Variants in MYO3B observed in about 807,000 individuals in gnomAD.
MYO3B encodes the protein myosin IIIB.
A neutral mutation model predicts 174.6 loss-of-function variants in MYO3B; 156 were observed. That is an observed-to-expected ratio of 0.89 (90% CI 0.78 to 1.02). The LOEUF (loss-of-function observed/expected upper bound fraction) is 1.02, where lower values mean the gene tolerates loss of function less well. MYO3B is among the 50% of genes least tolerant of loss of function. MYO3B has a pLI of 0.00. For synonymous variants in MYO3B, 563 were observed against 569.1 expected, an observed-to-expected ratio of 0.99 and a Z score of 0.15; for missense variants, 1,632 against 1,639.4, an observed-to-expected ratio of 1.00 and a Z score of 0.08.
chr2:170,438,382 A>G (rs911691739), intron 22 of MYO3B, among the ~76,000 whole-genome samples: 1 of 152,162 alleles, frequency 6.6e-6, no homozygotes, highest in Non-Finnish European at 1.5e-5. Flanking sequence ...TAATGGTGCA[A>G]TGAACACAGG....
chr2:170,412,334 G>A (rs1220861296), intron 22 of MYO3B: 1 of 152,184 alleles, frequency 6.6e-6, no homozygotes, highest in African/African-American at 2.4e-5. Context: ...TGTTAAAGAA[G>A]TTATGAACTT....
At chr2:170,472,539 T>A (rs1685034595) in intron 25 of MYO3B, among the ~76,000 whole-genome samples, 1 of 152,172 alleles carries the variant, frequency 6.6e-6, no homozygotes, top group South Asian at 2.1e-4. Flanking sequence ...CCTCCTTGAC[T>A]TTCCCAGGCT....
At chr2:170,501,623 C>T (rs1394892668) in intron 27 of MYO3B, among the ~76,000 whole-genome samples, 162 bp from the exon 28 acceptor site, 1 of 152,184 alleles carries the variant, frequency 6.6e-6, no homozygotes, top group African/African-American at 2.4e-5. Context: ...AGAGAGGCCT[C>T]TCTTCTCGCC....
intron 8 of MYO3B, among the ~76,000 whole-genome samples, chr2:170,358,565 G>A (rs1248174301): frequency 1.3e-5 from 2 of 152,108 alleles, no homozygotes; most frequent in Non-Finnish European, 1.5e-5. Flanking sequence ...CATTTTTAAT[G>A]GATGAACTGT....
chr2:170,480,099 G>A (rs1685592701), intron 25 of MYO3B, among the ~76,000 whole-genome samples: 1 of 151,532 alleles, frequency 6.6e-6, no homozygotes, highest in African/African-American at 2.4e-5. Context: ...TTTATAGACA[G>A]AGAGGTTTTC....
chr2:170,186,541 GTT>G (rs2092465847), intron 1 of MYO3B, among the ~76,000 whole-genome samples: 1 of 152,074 alleles, frequency 6.6e-6, no homozygotes, highest in South Asian at 2.1e-4. Context: ...TTGTTGAAGA[GTT>G]TTACTTCTAC....
At chr2:170,580,091 T>G (rs1161647280) in intron 32 of MYO3B, among the ~76,000 whole-genome samples, 2 of 152,202 alleles carry the variant, frequency 1.3e-5, no homozygotes, top group Admixed American at 6.5e-5. Flanking sequence ...ACAGAAAAAT[T>G]TATTACCATA....
intron 7 of MYO3B, among the ~76,000 whole-genome samples, chr2:170,286,937 T>C (rs1310483663): frequency 6.6e-6 from 1 of 152,086 alleles, no homozygotes; most frequent in Admixed American, 6.6e-5. Context: ...CTTTATGAGA[T>C]CCACTTTTTT....
At chr2:170,305,306 G>A (rs2093693749) in intron 7 of MYO3B, among the ~76,000 whole-genome samples, 1 of 151,926 alleles carries the variant, frequency 6.6e-6, no homozygotes, top group Admixed American at 6.6e-5. Flanking sequence ...TTTTTATTCT[G>A]TTCTGTGATT....
chr2:170,620,501 C>G (rs1293481050), intron 32 of MYO3B, among the ~76,000 whole-genome samples: 2 of 152,138 alleles, frequency 1.3e-5, no homozygotes, highest in African/African-American at 4.8e-5. Context: ...GAGATTTTAC[C>G]CTGCTTGTAG....
Position 170,498,706 on chromosome 2 carries a change from AGT to A in MYO3B, c.3126+4_3126+5del. On this transcript the variant is annotated splice_donor_5th_base_variant and intron_variant, in intron 26 of 34. Coordinates refer to ENST00000408978, the MANE Select transcript of MYO3B (RefSeq NM_138995.5). Reference sequence around the variant, plus strand: ...ACTGGGTACTGGGAAAAACAAAGGTAGTTCGTTCTTTATTGTTCAAATTGTCC... The same window carrying A: ...ACTGGGTACTGGGAAAAACAAAGGTATCGTTCTTTATTGTTCAAATTGTCC... 3 of 1,562,694 alleles carry A rather than the reference AGT, an allele frequency of 1.9e-6. No individual in the cohort carries two copies. The highest frequency in any genetic ancestry group is 2.6e-6 in the Non-Finnish European group (3 of 1,133,554).
At chr2:170,591,982 G>A (rs762478620) in intron 32 of MYO3B, among the ~76,000 whole-genome samples, 6 of 152,108 alleles carry the variant, frequency 3.9e-5, no homozygotes, top group Non-Finnish European at 2.9e-5. Flanking sequence ...TCCATACCAA[G>A]CATTATCTTA....
intron 32 of MYO3B, among the ~76,000 whole-genome samples, chr2:170,632,025 C>A (rs2105387444): frequency 6.6e-6 from 1 of 152,046 alleles, no homozygotes; most frequent in South Asian, 2.1e-4. Flanking sequence ...TAGACTCCCA[C>A]ACAATAATAG....
chr2:170,365,786 G>A (rs2094193844), intron 8 of MYO3B, among the ~76,000 whole-genome samples: 1 of 152,074 alleles, frequency 6.6e-6, no homozygotes, highest in Admixed American at 6.6e-5. Context: ...TGGTATGATG[G>A]TATATGGTAG....
intron 32 of MYO3B, among the ~76,000 whole-genome samples, chr2:170,646,306 T>G (rs1272767303): frequency 6.6e-6 from 1 of 152,126 alleles, no homozygotes. Flanking sequence ...CTGTCTGTCT[T>G]CATACAAATT....
chr2:170,424,143 C>T (rs16858434), intron 22 of MYO3B, among the ~76,000 whole-genome samples: 2,025 of 152,258 alleles, frequency 0.013, 54 homozygotes, highest in African/African-American at 0.046. Flanking sequence ...TCAGTGAGAT[C>T]CTTTTTGTGA....
At chr2:170,372,143 A>AAAAAAAAAAAAAAAAAAAAAC (rs1553475399) in intron 9 of MYO3B, among the ~76,000 whole-genome samples, 2 of 136,898 alleles carry the variant, frequency 1.5e-5, no homozygotes, top group African/African-American at 5.2e-5. Flanking sequence ...AAAAAAAAAA[A>AAAAAAAAAAAAAAAAAAAAAC]AACAACAACA....
At chr2:170,638,205 T>C (rs766738555) in intron 32 of MYO3B, among the ~76,000 whole-genome samples, 1 of 151,998 alleles carries the variant, frequency 6.6e-6, no homozygotes. Flanking sequence ...GTAAAAATAT[T>C]TTATAATTTA....
chr2:170,248,761 C>G (rs1443739382), intron 7 of MYO3B, among the ~76,000 whole-genome samples: 4 of 152,186 alleles, frequency 2.6e-5, no homozygotes, highest in Non-Finnish European at 5.9e-5. Context: ...CCAAGGTAAT[C>G]CAGGATAATC....
Sources: gnomAD v4.1 joint callset for allele counts (sites outside exome capture counted in the v4.1 genomes callset) on GRCh38, gnomAD v4.1.1 for gene constraint, MANE v1.5 for transcripts, NCBI Gene and HGNC (gene_info 2026-07-23, HGNC 2026-07-21) for gene names.